Variants in ZFC3H1 observed in about 807,000 individuals in gnomAD.
The protein encoded by ZFC3H1 is zinc finger C3H1-type containing, also known as zinc finger C3H1 domain-containing protein.
A neutral mutation model predicts 243.7 loss-of-function variants in ZFC3H1; 71 were observed. The observed-to-expected ratio is 0.29, with a 90% CI of 0.24 to 0.36. The LOEUF is 0.36. Ranked by LOEUF, ZFC3H1 falls within the 10% of genes least tolerant of loss-of-function variation. The probability of loss-of-function intolerance (pLI) is 1.00; values close to 1 mark genes in which losing one functional copy is unlikely to be tolerated. For synonymous variants in ZFC3H1, 838 were observed against 813.0 expected (o/e 1.03, Z -0.52); for missense variants, 1,966 against 2,317.1 (o/e 0.85, Z 3.11).
rs754457522 is a variant in ZFC3H1 at position 71,624,332 on chromosome 12, G to A, written c.4318-40C>T. The stretch of plus-strand genomic sequence containing the variant: ...TTTATATTATTAATGTTGCCTTTCA[G>A]GAATAAACCAAAACTACAGACTTTT... On this transcript the variant is annotated intron_variant, in intron 22 of 34. Coordinates refer to ENST00000378743, the MANE Select transcript of ZFC3H1 (RefSeq NM_144982.5). 6.6e-6 allele frequency: 10 copies of A among 1,519,100 alleles called. No individual in the cohort carries two copies. The South Asian group carries it at 1.0e-4, about 16-fold the overall frequency. 94.1% of individuals were successfully genotyped at this position (1,519,100 alleles called of 1,614,324 possible).
rs368514421 is a variant in ZFC3H1, at chr12:71,634,350, T to A, written c.2361-46A>T. ...ATATGCATTACACCCAAGAATAAAC[T>A]TAAACTATTTTTAAAATGTATTCTA... On this transcript the variant is annotated intron_variant, in intron 11 of 34. Transcript: ENST00000378743. 24 of 1,568,698 alleles carry A rather than the reference T, an allele frequency of 1.5e-5. No individual in the cohort carries two copies. In the African/African-American group the frequency reaches 3.3e-4, roughly 22 times the overall value.
chr12:71,633,764 C>T (rs1201554575), intron 12 of ZFC3H1, among the ~76,000 whole-genome samples: 1 of 152,182 alleles, frequency 6.6e-6, no homozygotes, highest in Non-Finnish European at 1.5e-5. Flanking sequence ...AAGCGATTCT[C>T]CCGCCTCAGC....
In ZFC3H1 at chr12:71,663,717, C is replaced by G. The variant is rs150835653; in HGVS notation, c.-107G>C. ...AACGGACTGGGTCGGTGCGGTCTTA[C>G]CCTACTCGGACACCAAGCGGCCTCT... On this transcript the variant is annotated 5_prime_UTR_variant, in exon 1 of 35. Coordinates refer to ENST00000378743, the MANE Select transcript of ZFC3H1 (RefSeq NM_144982.5). 1,209 of 1,348,770 alleles carry G rather than the reference C, an allele frequency of 9.0e-4. 6 individuals are homozygous for G. In the African/African-American group the frequency reaches 0.016, roughly 18 times the overall value. The allele number at this position is 1,348,770 out of a possible 1,614,324, so 83.6% of individuals were successfully genotyped here.
At position 71,663,560 on chromosome 12, in the gene ZFC3H1, C is replaced by T. The variant is rs772281180; in HGVS notation, c.51G>A (p.Lys17=). The change falls in exon 1 of 35, where the codon AAG becomes AAA. Residue 17 remains lysine, a synonymous_variant. Coordinates refer to ENST00000378743, the MANE Select transcript of ZFC3H1 (RefSeq NM_144982.5). ...CCCCATCTTCAAGCTCCCCTTCTTC[C>T]TTCGGCGAGAGGCCACTGGAGGCCG... ...PAPASSGLSP[K]EEGELEDGEI... 1 of 1,613,204 alleles carries T rather than the reference C, an allele frequency of 6.2e-7. No individual in the cohort carries two copies. The highest frequency in any genetic ancestry group is 8.5e-7 in the Non-Finnish European group (1 of 1,180,040).
At chr12:71,644,518 A>T (rs1316326564) in intron 4 of ZFC3H1, among the ~76,000 whole-genome samples, 200 bp from the exon 5 acceptor site, 1 of 152,220 alleles carries the variant, frequency 6.6e-6, no homozygotes, top group Non-Finnish European at 1.5e-5. Context: ...ACTTACACAT[A>T]AATTCAACTA....
At chr12:71,631,024 G>A in intron 16 of ZFC3H1, 70 bp from the exon 17 acceptor site, 1 of 1,413,226 alleles carries the variant, frequency 7.1e-7, no homozygotes, top group Non-Finnish European at 9.3e-7. Context: ...GAAAACTTTA[G>A]TTTTTCTTTC....
Position 71,629,690 on chromosome 12 carries a change from A to G in ZFC3H1, c.3745T>C (p.Phe1249Leu), listed in dbSNP as rs368102073. ...ASAEKYVEKLFGVNKDRMSMD... is the reference protein window; with the variant it reads ...ASAEKYVEKLLGVNKDRMSMD... Reference sequence around the variant, plus strand: ...GACATTCGATCTTTGTTTACTCCAAAAAGTTTCTCAACATATTTTTCTGAA... The same window carrying G: ...GACATTCGATCTTTGTTTACTCCAAGAAGTTTCTCAACATATTTTTCTGAA... The change falls in exon 19 of 35, where the codon TTT becomes CTT. Residue 1249 changes from phenylalanine (F) to leucine (L), a missense_variant. Phe to Leu is a conservative substitution (Grantham distance 22). This residue lies in a region of ZFC3H1 where 1,383 missense variants were observed against 1,723.7 expected (regional missense o/e 0.80). Coordinates refer to ENST00000378743, the MANE Select transcript of ZFC3H1 (RefSeq NM_144982.5). The G allele has an allele frequency of 1.1e-5, 18 of 1,612,424 alleles. No homozygotes were observed. Among genetic ancestry groups the G allele is most frequent in the Non-Finnish European group, 8.5e-7 (1 of 1,179,180 alleles).
At chr12:71,660,965 T>A (rs1001648096) in intron 1 of ZFC3H1, among the ~76,000 whole-genome samples, 17 of 151,560 alleles carry the variant, frequency 1.1e-4, no homozygotes, top group Non-Finnish European at 1.6e-4. Context: ...AAAATTTTTT[T>A]AAATAAATTT....
chr12:71,642,706 A>G (rs1880629799), intron 5 of ZFC3H1, 147 bp from the exon 6 acceptor site: 2 of 891,624 alleles, frequency 2.2e-6, no homozygotes, highest in East Asian at 2.6e-5. Flanking sequence ...GGGAAATTCA[A>G]TTCAAATGAT....
At chr12:71,654,425 A>G (rs1011414482) in intron 2 of ZFC3H1, among the ~76,000 whole-genome samples, 6 of 152,224 alleles carry the variant, frequency 3.9e-5, no homozygotes, top group African/African-American at 2.4e-5. Flanking sequence ...TGGGCAACAC[A>G]GTGAGATCTT....
intron 6 of ZFC3H1, among the ~76,000 whole-genome samples, chr12:71,640,955 C>G (rs893076122): frequency 1.3e-5 from 2 of 151,688 alleles, no homozygotes; most frequent in Non-Finnish European, 2.9e-5. Context: ...GTTTTTAATG[C>G]ACATTTCTTC....
At chr12:71,617,891 T>C (rs1363353910) in intron 27 of ZFC3H1, among the ~76,000 whole-genome samples, 1 of 152,218 alleles carries the variant, frequency 6.6e-6, no homozygotes, top group Non-Finnish European at 1.5e-5. Flanking sequence ...CTGGCTACCA[T>C]AAGAGGACAT....
At chr12:71,639,867 G>C (rs1209260640) in intron 6 of ZFC3H1, among the ~76,000 whole-genome samples, 1 of 152,206 alleles carries the variant, frequency 6.6e-6, no homozygotes, top group Non-Finnish European at 1.5e-5. Context: ...GCTGGTGTTT[G>C]ATTCAGTTAA....
chr12:71,644,116 G>C lies in ZFC3H1; in HGVS notation c.1482C>G (p.Gly494=). 1 of 1,613,418 alleles carries C rather than the reference G, an allele frequency of 6.2e-7. No homozygotes were observed. The highest frequency in any genetic ancestry group is 8.5e-7 in the Non-Finnish European group (1 of 1,179,768). The change falls in exon 5 of 35, where the codon GGC becomes GGG. Residue 494 remains glycine (G), a synonymous_variant. Transcript: ENST00000378743. ...QYNRFMKLVG[G]KRRSRSKSSD... ...TTACTTTACTTCTTGATCTCCTCTT[G>C]CCACCAACCAATTTCATGAATCGAT...
intron 27 of ZFC3H1, among the ~76,000 whole-genome samples, chr12:71,615,732 G>C (rs1023361562): frequency 6.6e-6 from 1 of 152,074 alleles, no homozygotes; most frequent in Admixed American, 6.6e-5. Context: ...TGGCCAGGTT[G>C]GTCTTGAACT....
At chr12:71,624,853 G>A (rs986490208) in intron 22 of ZFC3H1, among the ~76,000 whole-genome samples, 2 of 152,284 alleles carry the variant, frequency 1.3e-5, no homozygotes, top group South Asian at 4.1e-4. Flanking sequence ...TGTAGTCCCA[G>A]CTACTTGGGA....
At position 71,630,586 on chromosome 12, in the gene ZFC3H1, A is replaced by C; in HGVS notation, c.3724+14T>G. The C allele has an allele frequency of 1.9e-6, 3 of 1,595,898 alleles. No homozygotes were observed. Among genetic ancestry groups the C allele is most frequent in the Non-Finnish European group, 2.6e-6 (3 of 1,175,190 alleles). On this transcript the variant is annotated intron_variant, in intron 18 of 34. Transcript: ENST00000378743. ...CAATTTTCATTTGGGAGAGAATAGG[A>C]AGTCTTTAAAAACCTGCTGAAGCAG...
At position 71,610,632 on chromosome 12, in the gene ZFC3H1, T is replaced by A. The variant is rs958539453; in HGVS notation, c.5832+63A>T. The A allele has an allele frequency of 6.8e-6, 11 of 1,612,156 alleles. No individual in the cohort carries two copies. In the African/African-American group the frequency reaches 1.5e-4, roughly 22 times the overall value. On this transcript the variant is annotated intron_variant, in intron 34 of 34. Transcript: ENST00000378743. ...GTTTGAGCATTACCACATCAATGGA[T>A]ATGGCACATGCAGAAAATTTACAGG... is the stretch of plus-strand genomic sequence containing the variant.
intron 2 of ZFC3H1, among the ~76,000 whole-genome samples, chr12:71,653,251 A>T (rs1880935841): frequency 6.6e-6 from 1 of 152,248 alleles, no homozygotes; most frequent in African/African-American, 2.4e-5. Context: ...TGTAATTGAA[A>T]TGTAAAACTC....
Sources: gnomAD v4.1 joint callset for allele counts (sites outside exome capture counted in the v4.1 genomes callset) on GRCh38, gnomAD v4.1.1 for gene constraint, gnomAD v4.1.1 regional missense constraint, MANE v1.5 for transcripts, NCBI Gene and HGNC (gene_info 2026-07-23, HGNC 2026-07-21) for gene names.